The following LRRTM4 variants were observed in gnomAD, a reference collection of about 807,000 sequenced individuals.
LRRTM4 encodes leucine rich repeat transmembrane neuronal 4, also known as leucine-rich repeat transmembrane neuronal protein 4.
Under a neutral mutation model 47.6 loss-of-function variants are expected in LRRTM4, and 25 were observed. That is an observed-to-expected ratio of 0.53 (90% CI 0.38 to 0.73). LRRTM4 has a LOEUF of 0.73. Ranked by LOEUF, LRRTM4 falls within the 30% of genes least tolerant of loss-of-function variation. The pLI is 0.00. For missense variants in LRRTM4, 638 were observed against 713.4 expected (o/e 0.89, Z 1.20); for synonymous variants, 311 against 269.5 (o/e 1.15, Z -1.51).
At chr2:76,974,541 G>A (rs1018679336) in intron 3 of LRRTM4, among the ~76,000 whole-genome samples, 3 of 150,944 alleles carry the variant, frequency 2.0e-5, no homozygotes, top group African/African-American at 7.3e-5. Flanking sequence ...TAGTGTATAT[G>A]TGTCACATAC....
chr2:76,909,648 G>GA (rs1274489148), intron 3 of LRRTM4, among the ~76,000 whole-genome samples: 1 of 151,670 alleles, frequency 6.6e-6, no homozygotes, highest in African/African-American at 2.4e-5. Flanking sequence ...AAATTTACAA[G>GA]AAAAAAACAA....
chr2:77,208,174 C>G (rs944578999), intron 3 of LRRTM4, among the ~76,000 whole-genome samples: 1 of 151,932 alleles, frequency 6.6e-6, no homozygotes, highest in South Asian at 2.1e-4. Flanking sequence ...CCACCACGCA[C>G]CCCCCAAGGT....
chr2:77,087,378 G>T (rs560273034), intron 3 of LRRTM4, among the ~76,000 whole-genome samples: 44 of 152,340 alleles, frequency 2.9e-4, no homozygotes, highest in South Asian at 8.3e-4. Context: ...ATCACAGGCT[G>T]CTCTCAGCAG....
chr2:76,798,327 G>A (rs996482280), intron 3 of LRRTM4, among the ~76,000 whole-genome samples: 1 of 151,984 alleles, frequency 6.6e-6, no homozygotes, highest in Non-Finnish European at 1.5e-5. Flanking sequence ...CATGGAAACT[G>A]AACAACCTGC....
chr2:77,208,672 C>G (rs1674208988), intron 3 of LRRTM4, among the ~76,000 whole-genome samples: 1 of 151,932 alleles, frequency 6.6e-6, no homozygotes, highest in South Asian at 2.1e-4. Flanking sequence ...AGTCAGGGGA[C>G]TTGGGGAAAA....
chr2:76,864,216 C>G (rs1276456964), intron 3 of LRRTM4, among the ~76,000 whole-genome samples: 2 of 152,074 alleles, frequency 1.3e-5, no homozygotes, highest in Non-Finnish European at 2.9e-5. Context: ...GGATTCAGAT[C>G]AAAAGGTAGG....
At chr2:76,924,398 A>G (rs1674525019) in intron 3 of LRRTM4, among the ~76,000 whole-genome samples, 1 of 152,146 alleles carries the variant, frequency 6.6e-6, no homozygotes, top group Middle Eastern at 3.4e-3. Flanking sequence ...TTGGCTCATT[A>G]GAGCCAGGAG....
At chr2:77,351,617 TATATA>T (rs1413109324) in intron 3 of LRRTM4, among the ~76,000 whole-genome samples, 2 of 111,262 alleles carry the variant, frequency 1.8e-5, no homozygotes, top group African/African-American at 8.5e-5. Context: ...GACAAATTTA[TATATA>T]TATATATATA....
chr2:77,483,386 G>C (rs893930135), intron 3 of LRRTM4, among the ~76,000 whole-genome samples: 1 of 152,092 alleles, frequency 6.6e-6, no homozygotes, highest in African/African-American at 2.4e-5. Flanking sequence ...TGTAGCCCAT[G>C]CTGGAGTGCA....
At chr2:76,864,064 T>A (rs1178023146) in intron 3 of LRRTM4, among the ~76,000 whole-genome samples, 3 of 152,124 alleles carry the variant, frequency 2.0e-5, no homozygotes, top group Non-Finnish European at 4.4e-5. Context: ...CTAAATAAAT[T>A]GGGAATATTC....
intron 3 of LRRTM4, among the ~76,000 whole-genome samples, chr2:77,438,470 G>A (rs991894786): frequency 3.0e-4 from 42 of 137,996 alleles, no homozygotes; most frequent in African/African-American, 1.0e-3. Flanking sequence ...GTAGTGGCGC[G>A]ATCTCGGCTC....
intron 3 of LRRTM4, among the ~76,000 whole-genome samples, chr2:77,274,899 C>A (rs913800447): frequency 6.6e-6 from 1 of 152,056 alleles, no homozygotes; most frequent in Non-Finnish European, 1.5e-5. Flanking sequence ...GATTTGGTAG[C>A]CCTCATTGTG....
At chr2:77,514,836 T>C (rs1679148852) in intron 3 of LRRTM4, among the ~76,000 whole-genome samples, 1 of 151,940 alleles carries the variant, frequency 6.6e-6, no homozygotes, top group Admixed American at 6.6e-5. Flanking sequence ...CTAGAAGAAC[T>C]AGATATTCAA....
At chr2:77,264,842 A>G (rs1362738318) in intron 3 of LRRTM4, among the ~76,000 whole-genome samples, 1 of 152,098 alleles carries the variant, frequency 6.6e-6, no homozygotes, top group African/African-American at 2.4e-5. Context: ...TGAAATGACT[A>G]TATTCATTGA....
chr2:77,168,144 C>A (rs1672943679), intron 3 of LRRTM4, among the ~76,000 whole-genome samples: 1 of 152,022 alleles, frequency 6.6e-6, no homozygotes, highest in African/African-American at 2.4e-5. Context: ...ATCCGGTGAT[C>A]TCTCTCAACT....
chr2:77,105,351 T>TA (rs1347545083), intron 3 of LRRTM4, among the ~76,000 whole-genome samples: 1 of 152,068 alleles, frequency 6.6e-6, no homozygotes, highest in East Asian at 1.9e-4. Context: ...TCATGCCCTT[T>TA]ATAGGGACAT....
At chr2:76,954,957 A>G (rs1168241148) in intron 3 of LRRTM4, among the ~76,000 whole-genome samples, 1 of 151,826 alleles carries the variant, frequency 6.6e-6, no homozygotes, top group Non-Finnish European at 1.5e-5. Context: ...CGCCAGCCAT[A>G]ACATAAATAC....
At chr2:76,762,509 T>C (rs1369147236) in intron 3 of LRRTM4, among the ~76,000 whole-genome samples, 6 of 152,224 alleles carry the variant, frequency 3.9e-5, no homozygotes, top group African/African-American at 1.4e-4. Flanking sequence ...TGTCGCTTTC[T>C]CTGCTGTGTA....
intron 3 of LRRTM4, among the ~76,000 whole-genome samples, chr2:76,943,030 A>C (rs1675203836): frequency 6.6e-6 from 1 of 152,184 alleles, no homozygotes; most frequent in Admixed American, 6.5e-5. Flanking sequence ...AGAATCATAA[A>C]TAAATCAGGG....
Sources: gnomAD v4.1 joint callset for allele counts (sites outside exome capture counted in the v4.1 genomes callset) on GRCh38, gnomAD v4.1.1 for gene constraint, MANE v1.5 for transcripts, NCBI Gene and HGNC (gene_info 2026-07-23, HGNC 2026-07-21) for gene names.